PTPN13: variants seen among roughly 807,000 people sequenced by gnomAD.
PTPN13 encodes tyrosine-protein phosphatase non-receptor type 13.
A neutral mutation model predicts 284.0 loss-of-function variants in PTPN13; 191 were observed. That is an observed-to-expected ratio of 0.67 (90% CI 0.60 to 0.76). The LOEUF is 0.76. Ranked by LOEUF, PTPN13 falls within the 30% of genes least tolerant of loss-of-function variation. The pLI, the probability that PTPN13 is intolerant of heterozygous loss-of-function variation, is 0.00. For missense variants in PTPN13, 2,797 were observed against 2,939.9 expected (o/e 0.95, Z 1.12); for synonymous variants, 986 against 1,022.3 (o/e 0.96, Z 0.68).
chr4:86,758,685 A>G lies in PTPN13; in HGVS notation c.3321A>G (p.Gln1107=), dbSNP rs188031560. The G allele has an allele frequency of 9.9e-5, 160 of 1,612,192 alleles. No homozygotes were observed. In the Middle Eastern group the frequency reaches 4.5e-3, roughly 45 times the overall value. The part of the protein sequence containing the change: ...KKDAKYGLGF[Q]IIGGEKMGRL... ...AAATGTGTTATTTTACAGGATTTCA[A>G]ATTATTGGTGGGGAGAAGATGGGAA... The change falls in exon 22 of 48, where the codon CAA becomes CAG. Residue 1107 remains glutamine (Q), a synonymous_variant. Transcript: ENST00000411767.
At chr4:86,810,469 A>C (rs979638464) in intron 46 of PTPN13, among the ~76,000 whole-genome samples, 2 of 152,058 alleles carry the variant, frequency 1.3e-5, no homozygotes, top group Admixed American at 1.3e-4. Context: ...AATTACTATA[A>C]GAGTATAATC....
chr4:86,763,863 TA>T (rs1738982843), intron 24 of PTPN13, among the ~76,000 whole-genome samples: 1 of 151,740 alleles, frequency 6.6e-6, no homozygotes, highest in Non-Finnish European at 1.5e-5. Context: ...AGCCAGACCC[TA>T]ACAGAAAGAA....
intron 1 of PTPN13, among the ~76,000 whole-genome samples, chr4:86,600,910 A>C (rs1016323064): frequency 1.3e-5 from 2 of 152,124 alleles, no homozygotes; most frequent in Non-Finnish European, 2.9e-5. Context: ...CAGAAGTTTC[A>C]GTTTTTAATG....
chr4:86,619,162 G>A (rs932991592), intron 1 of PTPN13, among the ~76,000 whole-genome samples: 2 of 152,116 alleles, frequency 1.3e-5, no homozygotes, highest in Admixed American at 6.5e-5. Context: ...CAACTGACAC[G>A]GTAGCCTACA....
In PTPN13 at chr4:86,672,398, T is replaced by A; in HGVS notation, c.149T>A (p.Ile50Asn). The part of the protein sequence containing the change: ...SLADPAALGF[I>N]ISPWSLLLLP... ...GCTGATCCTGCTGCCCTTGGCTTCA[T>A]CATTTCTCCATGGTCTCTGCTGTTG... The change falls in exon 3 of 48, where the codon ATC becomes AAC. Residue 50 changes from isoleucine to asparagine, a missense_variant. By Grantham distance (149) the Ile-to-Asn change is moderately radical. Coordinates refer to ENST00000411767, the MANE Select transcript of PTPN13 (RefSeq NM_080683.3). 1 of 1,555,924 alleles carries A rather than the reference T, an allele frequency of 6.4e-7. No homozygotes were observed.
intron 2 of PTPN13, among the ~76,000 whole-genome samples, chr4:86,657,806 G>T (rs1044981349): frequency 2.0e-5 from 3 of 152,168 alleles, no homozygotes; most frequent in Non-Finnish European, 4.4e-5. Context: ...GGGGGCTTCG[G>T]GAATCTGCTA....
At chr4:86,606,243 T>C (rs766734619) in intron 1 of PTPN13, among the ~76,000 whole-genome samples, 9 of 151,954 alleles carry the variant, frequency 5.9e-5, no homozygotes, top group Non-Finnish European at 1.2e-4. Context: ...CTGTGTGGAT[T>C]AGTTACTGCT....
chr4:86,763,127 T>A lies in PTPN13; in HGVS notation c.3954T>A (p.Arg1318=), dbSNP rs762556936. The A allele has an allele frequency of 3.4e-5, 55 of 1,613,640 alleles. No homozygotes were observed. Among genetic ancestry groups the A allele is most frequent in the Non-Finnish European group, 4.5e-5 (53 of 1,179,860 alleles). The change falls in exon 24 of 48, where the codon CGT becomes CGA. Residue 1318 remains arginine, a synonymous_variant. Coordinates refer to ENST00000411767, the MANE Select transcript of PTPN13 (RefSeq NM_080683.3). ...GISDVTDYSD[R]GDSDMDEATY... ...CTGATGTAACTGATTACTCAGACCG[T>A]GGAGATTCAGACATGGATGAAGCCA...
intron 1 of PTPN13, among the ~76,000 whole-genome samples, chr4:86,605,293 A>G (rs1178866465): frequency 6.6e-6 from 1 of 152,072 alleles, no homozygotes; most frequent in African/African-American, 2.4e-5. Flanking sequence ...TCAGTTGAAT[A>G]TTGCAGGGAT....
chr4:86,705,844 T>G (rs1352037145), intron 7 of PTPN13, among the ~76,000 whole-genome samples: 2 of 151,466 alleles, frequency 1.3e-5, no homozygotes, highest in Admixed American at 6.6e-5. Context: ...AAAAAAAGGA[T>G]GTATTCTCAC....
intron 23 of PTPN13, among the ~76,000 whole-genome samples, chr4:86,761,060 C>A (rs886269395): frequency 6.7e-6 from 1 of 149,372 alleles, no homozygotes; most frequent in Non-Finnish European, 1.5e-5. Flanking sequence ...CCCCTTACCC[C>A]ATTTCCTAGG....
chr4:86,702,733 GAGAAA>G (rs1365999366), intron 7 of PTPN13, among the ~76,000 whole-genome samples: 2 of 152,058 alleles, frequency 1.3e-5, no homozygotes, highest in Non-Finnish European at 2.9e-5. Flanking sequence ...ATAGAAGCAA[GAGAAA>G]AGAAGAGATA....
intron 2 of PTPN13, among the ~76,000 whole-genome samples, chr4:86,663,166 C>G (rs750199902): frequency 3.4e-4 from 51 of 152,180 alleles, no homozygotes; most frequent in Non-Finnish European, 6.3e-4. Context: ...AGAAGTATCT[C>G]TTTCTTACCC....
intron 21 of PTPN13, 96 bp downstream of exon 21, chr4:86,758,445 C>A: frequency 9.0e-7 from 1 of 1,114,448 alleles, no homozygotes; most frequent in Non-Finnish European, 1.3e-6. Context: ...CAGCTCACTT[C>A]TGGTCTCAAG....
At chr4:86,758,850 A>G (rs4560369) in intron 22 of PTPN13, 65 bp downstream of exon 22, 43 of 1,584,172 alleles carry the variant, frequency 2.7e-5, no homozygotes, top group Non-Finnish European at 8.6e-7. Context: ...AACTTAGGCC[A>G]AACTAAAATA....
intron 33 of PTPN13, among the ~76,000 whole-genome samples, 200 bp downstream of exon 33, chr4:86,774,731 ATACTT>A (rs978951028): frequency 3.3e-5 from 5 of 150,516 alleles, no homozygotes; most frequent in East Asian, 1.9e-4. Context: ...ATTTTTTACT[ATACTT>A]TAAGTTCTAG....
Position 86,594,712 on chromosome 4 carries a change from G to C in PTPN13, c.-83G>C, listed in dbSNP as rs1479111913. The C allele has an allele frequency of 2.0e-5, 3 of 152,402 alleles. No homozygotes were observed. The allele number at this position is 152,402 out of a possible 1,614,324, so 9.4% of individuals were successfully genotyped here. ...GCTCTCGGCGCCCGCGGCGGCTGCCGGCGGCCCGCCCCGACGCCGCGTCCC... is the reference window on the plus strand; with the variant it reads ...GCTCTCGGCGCCCGCGGCGGCTGCCCGCGGCCCGCCCCGACGCCGCGTCCC... On this transcript the variant is annotated 5_prime_UTR_variant, in exon 1 of 48. Transcript: ENST00000411767.
At chr4:86,758,451 T>G (rs1738263010) in intron 21 of PTPN13, 102 bp downstream of exon 21, 3 of 1,060,368 alleles carry the variant, frequency 2.8e-6, no homozygotes, top group Non-Finnish European at 2.8e-6. Context: ...ACTTCTGGTC[T>G]CAAGATACTG....
chr4:86,763,105 A>T lies in PTPN13; in HGVS notation c.3932A>T (p.Asp1311Val), dbSNP rs558164986. ...AAAACTAAAAAGCCAGGCATTTCTG[A>T]TGTAACTGATTACTCAGACCGTGGA... is the stretch of plus-strand genomic sequence containing the variant. ...QSKTKKPGIS[D>V]VTDYSDRGDS... is the part of the protein sequence containing the mutation. Residue 1311 changes from aspartate (D) to valine (V), a missense_variant, in exon 24 of 48, where the codon GAT becomes GTT. Asp to Val is a radical substitution (Grantham distance 152, BLOSUM62 -3). Coordinates refer to ENST00000411767, the MANE Select transcript of PTPN13 (RefSeq NM_080683.3). 1 of 1,613,878 alleles carries T rather than the reference A, an allele frequency of 6.2e-7. No individual in the cohort carries two copies. Among genetic ancestry groups the T allele is most frequent in the African/African-American group, 1.3e-5 (1 of 75,020 alleles).
Sources: allele counts gnomAD v4.1 joint callset (sites outside exome capture counted in the v4.1 genomes callset), GRCh38; gene constraint gnomAD v4.1.1; transcripts MANE v1.5; gene names NCBI Gene and HGNC (gene_info 2026-07-23, HGNC 2026-07-21).